EYS: variants seen among roughly 807,000 people sequenced by gnomAD.
The protein encoded by EYS is protein eyes shut homolog.
Under a neutral mutation model 282.1 loss-of-function variants are expected in EYS, and 250 were observed. The ratio of observed to expected loss-of-function variants is 0.89; its 90% CI spans 0.80 to 0.98. The LOEUF (loss-of-function observed/expected upper bound fraction) is 0.98, where lower values mean the gene tolerates loss of function less well. Among genes scored for constraint, EYS ranks in the 50% least tolerant of loss-of-function variants. The pLI is 0.00. For missense variants in EYS, 4,016 were observed against 3,709.0 expected (o/e 1.08, Z -2.15); for synonymous variants, 1,355 against 1,282.9 (o/e 1.06, Z -1.20).
chr6:64,843,599 G>T (rs1406190117), intron 19 of EYS, among the ~76,000 whole-genome samples: 2 of 152,144 alleles, frequency 1.3e-5, no homozygotes, highest in East Asian at 1.9e-4. Context: ...CTCCCATTTG[G>T]AATAGCTGTC....
At chr6:64,930,175 T>C (rs1489349022) in intron 15 of EYS, among the ~76,000 whole-genome samples, 1 of 152,108 alleles carries the variant, frequency 6.6e-6, no homozygotes, top group Admixed American at 6.6e-5. Flanking sequence ...CATGCACACA[T>C]ATATACAGAG....
intron 26 of EYS, among the ~76,000 whole-genome samples, chr6:64,535,785 T>C (rs947649366): frequency 6.6e-6 from 1 of 152,050 alleles, no homozygotes; most frequent in African/African-American, 2.4e-5. Flanking sequence ...CATTAAAACA[T>C]TGACGGATTA....
At chr6:63,778,337 ATTT>A in intron 39 of EYS, 157 bp from the exon 40 acceptor site, 1 of 760,962 alleles carries the variant, frequency 1.3e-6, no homozygotes, top group Non-Finnish European at 2.1e-6. Context: ...GCGCAGAGAA[ATTT>A]TTTTTTAAAA....
intron 12 of EYS, among the ~76,000 whole-genome samples, chr6:65,128,262 A>G (rs948266569): frequency 6.6e-6 from 1 of 152,000 alleles, no homozygotes; most frequent in Non-Finnish European, 1.5e-5. Context: ...TGAGAGATTG[A>G]GAAGCAAAAC....
chr6:65,331,731 C>T, intron 11 of EYS: 1 of 981,026 alleles, frequency 1.0e-6, no homozygotes, highest in South Asian at 4.7e-5. Context: ...TTTCATTAAA[C>T]AAGTATTTGT....
intron 29 of EYS, among the ~76,000 whole-genome samples, chr6:64,308,315 A>T (rs534280883): frequency 1.3e-5 from 2 of 152,256 alleles, no homozygotes; most frequent in Admixed American, 6.5e-5. Flanking sequence ...ATTGAAGAAC[A>T]TTCAATTTGG....
intron 26 of EYS, among the ~76,000 whole-genome samples, chr6:64,463,732 C>A (rs753455685): frequency 6.6e-6 from 1 of 152,020 alleles, no homozygotes; most frequent in Non-Finnish European, 1.5e-5. Flanking sequence ...AGACACATTA[C>A]AAATAATACC....
intron 31 of EYS, among the ~76,000 whole-genome samples, chr6:64,083,965 T>C (rs749827080): frequency 6.6e-6 from 1 of 152,198 alleles, no homozygotes; most frequent in Non-Finnish European, 1.5e-5. Context: ...CTCTAACTCC[T>C]GACCTCAGGT....
At chr6:65,371,512 G>T (rs576803066) in intron 8 of EYS, among the ~76,000 whole-genome samples, 39 of 149,912 alleles carry the variant, frequency 2.6e-4, no homozygotes, top group Non-Finnish European at 4.6e-4. Flanking sequence ...GAAAATTTGG[G>T]TGTAAATGCT....
intron 28 of EYS, among the ~76,000 whole-genome samples, chr6:64,389,796 G>A (rs983624177): frequency 3.9e-5 from 6 of 152,114 alleles, no homozygotes; most frequent in Admixed American, 2.6e-4. Context: ...GAACAGCTCC[G>A]GTCTACAGCT....
intron 12 of EYS, among the ~76,000 whole-genome samples, chr6:65,172,866 A>C (rs1162638106): frequency 1.3e-5 from 2 of 151,198 alleles, no homozygotes; most frequent in Non-Finnish European, 3.0e-5. Flanking sequence ...AAAACATAGA[A>C]GACATAGTAT....
intron 12 of EYS, among the ~76,000 whole-genome samples, chr6:65,155,915 A>G (rs1764718401): frequency 6.6e-6 from 1 of 151,508 alleles, no homozygotes; most frequent in African/African-American, 2.4e-5. Flanking sequence ...ATGCCAAGGC[A>G]TTTAATAAAC....
At chr6:65,663,874 T>C (rs1401050903) in intron 1 of EYS, among the ~76,000 whole-genome samples, 4 of 139,480 alleles carry the variant, frequency 2.9e-5, no homozygotes, top group East Asian at 2.1e-4. Context: ...TTCTTTTTTT[T>C]TTTTTTTTTT....
chr6:65,216,055 T>C (rs1766304482), intron 12 of EYS, among the ~76,000 whole-genome samples: 1 of 152,126 alleles, frequency 6.6e-6, no homozygotes, highest in African/African-American at 2.4e-5. Context: ...ACAGTGTTCT[T>C]TTGTCAGCAT....
chr6:64,920,893 T>C (rs1049236962), intron 15 of EYS, among the ~76,000 whole-genome samples: 2 of 152,076 alleles, frequency 1.3e-5, no homozygotes, highest in Non-Finnish European at 2.9e-5. Context: ...ACAAAATAAT[T>C]CATAAATCTT....
chr6:63,724,608 A>G (rs1768541821), intron 42 of EYS, among the ~76,000 whole-genome samples: 1 of 152,152 alleles, frequency 6.6e-6, no homozygotes, highest in African/African-American at 2.4e-5. Context: ...AATTTTTAGC[A>G]GAAATAGATG....
chr6:64,213,040 A>G (rs1765826898), intron 31 of EYS, among the ~76,000 whole-genome samples: 1 of 152,118 alleles, frequency 6.6e-6, no homozygotes. Context: ...GTTTTCCCTT[A>G]TAAGTGGGGA....
chr6:64,707,017 T>C (rs1325908580), intron 22 of EYS, among the ~76,000 whole-genome samples: 1 of 152,014 alleles, frequency 6.6e-6, no homozygotes, highest in Non-Finnish European at 1.5e-5. Flanking sequence ...ACGTTTATAG[T>C]AGCAAAATTC....
rs1260487488 is a variant in EYS at position 63,721,181 on chromosome 6, G to T, written c.8850C>A (p.Asn2950Lys). 1.3e-6 allele frequency: 2 copies of T among 1,551,564 alleles called. No individual in the cohort carries two copies. The highest frequency in any genetic ancestry group is 2.4e-5 in the South Asian group (2 of 84,052). ...TLGWVGRYCENKTSFSTAKFM... is the reference protein window; with the variant it reads ...TLGWVGRYCEKKTSFSTAKFM... ...ATTTTGCAGTTGAAAATGAAGTTTTGTTTTCACAATACCTTCCCACCCAAC... is the reference window on the plus strand; with the variant it reads ...ATTTTGCAGTTGAAAATGAAGTTTTTTTTTCACAATACCTTCCCACCCAAC... The change falls in exon 43 of 43, where the codon AAC becomes AAA. Residue 2950 changes from asparagine (N) to lysine (K), a missense_variant. Physicochemically the swap from Asn to Lys is moderately conservative, Grantham distance 94. Coordinates refer to ENST00000503581, the MANE Select transcript of EYS (RefSeq NM_001142800.2).
Sources: allele counts gnomAD v4.1 joint callset (sites outside exome capture counted in the v4.1 genomes callset), GRCh38; gene constraint gnomAD v4.1.1; transcripts MANE v1.5; gene names NCBI Gene and HGNC (gene_info 2026-07-23, HGNC 2026-07-21).